Variants in GPC5 observed in about 807,000 individuals in gnomAD.
The protein encoded by GPC5 is glypican 5, also known as glypican-5.
Under a neutral mutation model 53.9 loss-of-function variants are expected in GPC5, and 47 were observed. That is an observed-to-expected ratio of 0.87 (90% confidence interval 0.69 to 1.11). The LOEUF is 1.11. GPC5 is among the 50% of genes most tolerant of loss of function. The pLI is 0.00. For synonymous variants in GPC5, 286 were observed against 263.3 expected, an observed-to-expected ratio of 1.09 and a Z score of -0.84; for missense variants, 748 against 713.1, an observed-to-expected ratio of 1.05 and a Z score of -0.56.
chr13:91,456,421 A>G (rs2139124557), intron 2 of GPC5, among the ~76,000 whole-genome samples: 1 of 152,024 alleles, frequency 6.6e-6, no homozygotes, highest in South Asian at 2.1e-4. Flanking sequence ...AGCTTCTTTT[A>G]AAAGAGAACC....
chr13:92,017,124 G>A (rs1451993845), intron 6 of GPC5, among the ~76,000 whole-genome samples: 1 of 152,020 alleles, frequency 6.6e-6, no homozygotes, highest in Non-Finnish European at 1.5e-5. Context: ...TGGTGTAGGG[G>A]CTCTTTACTC....
intron 6 of GPC5, among the ~76,000 whole-genome samples, chr13:91,936,735 A>G (rs2039874819): frequency 8.6e-6 from 1 of 116,212 alleles, no homozygotes; most frequent in African/African-American, 2.9e-5. Context: ...TCAGGTTTCT[A>G]AGAAAATAGA....
chr13:92,044,757 C>T (rs1194050800), intron 6 of GPC5, among the ~76,000 whole-genome samples: 1 of 152,060 alleles, frequency 6.6e-6, no homozygotes, highest in Non-Finnish European at 1.5e-5. Context: ...TTGATCATAC[C>T]AAAGACATAA....
chr13:92,244,093 C>T (rs573679974), intron 7 of GPC5, among the ~76,000 whole-genome samples: 1 of 152,236 alleles, frequency 6.6e-6, no homozygotes, highest in African/African-American at 2.4e-5. Flanking sequence ...TGCAGATGAA[C>T]ATTCTTGGTA....
chr13:91,903,967 C>G (rs1296965117), intron 5 of GPC5, among the ~76,000 whole-genome samples: 1 of 151,696 alleles, frequency 6.6e-6, no homozygotes, highest in East Asian at 1.9e-4. Context: ...GTTTTCATTG[C>G]CTATATTATG....
At chr13:92,142,960 T>C (rs1277684683) in intron 6 of GPC5, among the ~76,000 whole-genome samples, 1 of 152,168 alleles carries the variant, frequency 6.6e-6, no homozygotes, top group Non-Finnish European at 1.5e-5. Context: ...AATTAATGTG[T>C]TCTGGATATT....
rs1886314620 is a variant in GPC5, at chr13:92,660,775, T to C, written c.1562-205507T>C. On this transcript the variant is annotated intron_variant, in intron 7 of 7. Coordinates refer to ENST00000377067, the MANE Select transcript of GPC5 (RefSeq NM_004466.6). ...CTACATAAACATAATCTAACACAAT[T>C]TTCTATTATGATGGAAATATTCCCT... Among the ~76,000 whole-genome samples, 3 of 152,166 alleles carry C rather than the reference T, an allele frequency of 2.0e-5. No individual in the cohort carries two copies. The South Asian group carries it at 6.2e-4, about 31-fold the overall frequency.
At chr13:92,467,326 A>T (rs1412990475) in intron 7 of GPC5, among the ~76,000 whole-genome samples, 1 of 152,158 alleles carries the variant, frequency 6.6e-6, no homozygotes, top group East Asian at 1.9e-4. Flanking sequence ...TAAGCACAGG[A>T]TGACTTCTGA....
chr13:91,753,843 T>C (rs2140118906), intron 4 of GPC5, among the ~76,000 whole-genome samples: 1 of 152,282 alleles, frequency 6.6e-6, no homozygotes, highest in South Asian at 2.1e-4. Flanking sequence ...AAATATCTTC[T>C]GATTCCTCTG....
chr13:92,690,531 A>T (rs1479677320), intron 7 of GPC5, among the ~76,000 whole-genome samples: 2 of 123,066 alleles, frequency 1.6e-5, no homozygotes, highest in African/African-American at 6.3e-5. Flanking sequence ...CGTAGCTCAG[A>T]GTAATTTGAT....
chr13:92,333,056 C>T (rs1439723180), intron 7 of GPC5, among the ~76,000 whole-genome samples: 1 of 152,094 alleles, frequency 6.6e-6, no homozygotes, highest in East Asian at 1.9e-4. Context: ...CAGAGTCTCA[C>T]CAGTGAAAAC....
intron 5 of GPC5, among the ~76,000 whole-genome samples, chr13:91,874,815 T>A (rs2039184523): frequency 6.6e-6 from 1 of 152,206 alleles, no homozygotes; most frequent in Non-Finnish European, 1.5e-5. Context: ...ATGTTGGTAA[T>A]GATATTCAAG....
intron 7 of GPC5, among the ~76,000 whole-genome samples, chr13:92,449,419 A>T (rs771889133): frequency 6.6e-6 from 1 of 152,292 alleles, no homozygotes; most frequent in Non-Finnish European, 1.5e-5. Flanking sequence ...GGAATCTCAC[A>T]TGCAATACAG....
chr13:91,790,696 T>G (rs540718730), intron 5 of GPC5, among the ~76,000 whole-genome samples: 1 of 152,254 alleles, frequency 6.6e-6, no homozygotes, highest in Non-Finnish European at 1.5e-5. Context: ...GAACTTGTAA[T>G]TACTTCTCCT....
intron 6 of GPC5, among the ~76,000 whole-genome samples, chr13:92,007,113 C>T (rs534096065): frequency 5.4e-4 from 82 of 152,252 alleles, no homozygotes; most frequent in African/African-American, 1.8e-3. Context: ...TGCAATATGA[C>T]ATTTCATTCC....
Position 92,385,652 on chromosome 13 carries a change from C to CATAT in GPC5, c.1561+240671_1561+240674dup, listed in dbSNP as rs200279898. Among the ~76,000 whole-genome samples the CATAT allele has an allele frequency of 7.1e-5, 10 of 141,734 alleles. No homozygotes were observed. The East Asian group carries it at 8.1e-4, about 11-fold the overall frequency. 93.0% of individuals were successfully genotyped at this position (141,734 alleles called of 152,430 possible). A position where few individuals can be genotyped will look rare whatever the true frequency, so the allele number is the denominator to read the frequency against. Reference sequence around the variant, plus strand: ...ATATATACATATATACCTATATACACATATATATATACATATATACATATA... The same window carrying CATAT: ...ATATATACATATATACCTATATACACATATATATATATATACATATATACATATA... On this transcript the variant is annotated intron_variant, in intron 7 of 7. Transcript: ENST00000377067.
At chr13:91,975,835 G>A (rs559315942) in intron 6 of GPC5, among the ~76,000 whole-genome samples, 38 of 152,184 alleles carry the variant, frequency 2.5e-4, no homozygotes, top group South Asian at 6.2e-4. Context: ...TGTTTATTGC[G>A]GCACTATTCA....
chr13:92,223,672 G>C (rs989493734), intron 7 of GPC5, among the ~76,000 whole-genome samples: 3 of 151,656 alleles, frequency 2.0e-5, no homozygotes, highest in Non-Finnish European at 4.4e-5. Flanking sequence ...TATGACTCAG[G>C]GTGGTGGTAA....
chr13:92,076,247 A>AT (rs2041251428), intron 6 of GPC5, among the ~76,000 whole-genome samples: 1 of 151,538 alleles, frequency 6.6e-6, no homozygotes, highest in Admixed American at 6.6e-5. Context: ...TTTATTTTTT[A>AT]TTTTTTGTAT....
Sources: allele counts gnomAD v4.1 joint callset (sites outside exome capture counted in the v4.1 genomes callset), GRCh38; gene constraint gnomAD v4.1.1; transcripts MANE v1.5; gene names NCBI Gene and HGNC (gene_info 2026-07-23, HGNC 2026-07-21).